The following NUAK1 variants were observed in gnomAD, a reference collection of about 807,000 sequenced individuals.
NUAK1 encodes NUAK family kinase 1.
Under a neutral mutation model 56.9 loss-of-function variants are expected in NUAK1, and 26 were observed. The ratio of observed to expected loss-of-function variants is 0.46; its 90% CI spans 0.33 to 0.63. NUAK1 has a LOEUF of 0.63. NUAK1 is among the 30% of genes least tolerant of loss of function. NUAK1 has a pLI of 0.02. For missense variants in NUAK1, 727 were observed against 876.1 expected (o/e 0.83, Z 2.15); for synonymous variants, 337 against 336.0 (o/e 1.00, Z -0.03).
chr12:106,069,582 T>C (rs2032382534), intron 6 of NUAK1, among the ~76,000 whole-genome samples: 2 of 152,168 alleles, frequency 1.3e-5, no homozygotes, highest in Admixed American at 1.3e-4. Context: ...ATAGATTAAA[T>C]AAGGTGTCTT....
rs1316402510 is a variant in NUAK1, at chr12:106,134,031, C to G, written c.240+4383G>C. Among the ~76,000 whole-genome samples, 3 of 152,166 alleles carry G rather than the reference C, an allele frequency of 2.0e-5. No individual in the cohort carries two copies. In the East Asian group the frequency reaches 5.8e-4, roughly 29 times the overall value. On this transcript the variant is annotated intron_variant, in intron 1 of 6. Coordinates refer to ENST00000261402, the MANE Select transcript of NUAK1 (RefSeq NM_014840.3). ...AGTTCTTTAAGAGTGAGGCCCATGT[C>G]TTTCTCTAGTAAAGATTTATTAAAT...
intron 1 of NUAK1, among the ~76,000 whole-genome samples, chr12:106,128,509 G>A (rs74682225): frequency 0.02 from 3,021 of 152,194 alleles, 113 homozygotes; most frequent in African/African-American, 0.067. Context: ...GTGACCTCTG[G>A]CAGTTGGGGT....
At chr12:106,073,792 T>C (rs938977655) in intron 4 of NUAK1, among the ~76,000 whole-genome samples, 1 of 151,814 alleles carries the variant, frequency 6.6e-6, no homozygotes. Context: ...CACTCCAGCC[T>C]GGGCGACAAA....
At chr12:106,103,631 C>G (rs901381933) in intron 2 of NUAK1, among the ~76,000 whole-genome samples, 1 of 152,164 alleles carries the variant, frequency 6.6e-6, no homozygotes, top group African/African-American at 2.4e-5. Flanking sequence ...GAACATGGTC[C>G]CAGAATATAC....
At chr12:106,127,612 A>G (rs955599952) in intron 1 of NUAK1, among the ~76,000 whole-genome samples, 8 of 152,168 alleles carry the variant, frequency 5.3e-5, no homozygotes, top group Admixed American at 2.6e-4. Flanking sequence ...CTCCCTAAAC[A>G]TAGGCTGACA....
In NUAK1 at chr12:106,098,313, GACTTATTATA is replaced by G. The variant is rs944462951; in HGVS notation, c.361+8082_361+8091del. On this transcript the variant is annotated intron_variant, in intron 2 of 6. Transcript: ENST00000261402. ...AATTCAGAGAATATTTGAGAATACA[GACTTATTATA>G]ACTTATCTTCTCGTGGGCAGCATGC... is the stretch of plus-strand genomic sequence containing the variant. Among the ~76,000 whole-genome samples the G allele has an allele frequency of 5.8e-4, 89 of 152,286 alleles. 1 individual carries two copies. Among genetic ancestry groups the G allele is most frequent in the Middle Eastern group, 3.4e-3 (1 of 294 alleles).
chr12:106,099,590 G>A (rs2032728425), intron 2 of NUAK1, among the ~76,000 whole-genome samples: 1 of 152,032 alleles, frequency 6.6e-6, no homozygotes, highest in Non-Finnish European at 1.5e-5. Flanking sequence ...TGCTGCCTGG[G>A]TTCACCTCTC....
chr12:106,126,758 T>C (rs774296315), intron 1 of NUAK1, among the ~76,000 whole-genome samples: 4 of 152,220 alleles, frequency 2.6e-5, no homozygotes, highest in Non-Finnish European at 5.9e-5. Context: ...GCCTCTAGCC[T>C]ACCTGTCATC....
intron 2 of NUAK1, 104 bp downstream of exon 2, chr12:106,106,301 C>T (rs1191762739): frequency 9.5e-7 from 1 of 1,057,212 alleles, no homozygotes; most frequent in East Asian, 2.6e-5. Context: ...AGGAAAAATA[C>T]TTGGCTTCTG....
chr12:106,117,810 C>A (rs2032933120), intron 1 of NUAK1, among the ~76,000 whole-genome samples: 1 of 152,132 alleles, frequency 6.6e-6, no homozygotes, highest in Non-Finnish European at 1.5e-5. Flanking sequence ...TATAGCCTAA[C>A]AAAAGGGAAG....
intron 5 of NUAK1, among the ~76,000 whole-genome samples, chr12:106,072,172 T>G: frequency 6.7e-6 from 1 of 149,706 alleles, no homozygotes; most frequent in East Asian, 1.9e-4. Flanking sequence ...AAAAAGATAT[T>G]TACCCCAGAG....
intron 1 of NUAK1, among the ~76,000 whole-genome samples, chr12:106,121,905 TG>T: frequency 6.6e-6 from 1 of 152,136 alleles, no homozygotes; most frequent in East Asian, 1.9e-4. Flanking sequence ...AGCAAAACTA[TG>T]TAAAAACTGA....
chr12:106,098,561 A>G (rs956518481), intron 2 of NUAK1, among the ~76,000 whole-genome samples: 35 of 152,214 alleles, frequency 2.3e-4, no homozygotes, highest in African/African-American at 7.7e-4. Flanking sequence ...GTTCCAGCAC[A>G]TCACAATGCA....
In NUAK1 at chr12:106,138,808, T is replaced by C. The variant is rs1192434810; in HGVS notation, c.-155A>G. On this transcript the variant is annotated 5_prime_UTR_variant, in exon 1 of 7. Transcript: ENST00000261402. The surrounding 1 kb of genome is among the most constrained non-coding windows in gnomAD (Gnocchi z 5.0). Reference sequence around the variant, plus strand: ...ACCGCTCGGACTGCGGCTCGGTCACTGGCGGCGGCGGGGACTGCACATCTG... The same window carrying C: ...ACCGCTCGGACTGCGGCTCGGTCACCGGCGGCGGCGGGGACTGCACATCTG... 1.8e-6 allele frequency: 2 copies of C among 1,085,042 alleles called. No individual in the cohort carries two copies. Among genetic ancestry groups the C allele is most frequent in the Non-Finnish European group, 2.4e-6 (2 of 821,644 alleles). 67.2% of individuals were successfully genotyped at this position (1,085,042 alleles called of 1,614,324 possible). A position where few individuals can be genotyped will look rare whatever the true frequency, so the allele number is the denominator to read the frequency against.
chr12:106,131,612 G>A (rs2033079933), intron 1 of NUAK1, among the ~76,000 whole-genome samples: 1 of 152,100 alleles, frequency 6.6e-6, no homozygotes, highest in Admixed American at 6.5e-5. Flanking sequence ...AAATGAAATG[G>A]ATGTGCCAGC....
chr12:106,113,928 C>A (rs1170511198), intron 1 of NUAK1, among the ~76,000 whole-genome samples: 1 of 152,056 alleles, frequency 6.6e-6, no homozygotes, highest in Non-Finnish European at 1.5e-5. Flanking sequence ...TCTGGTAACA[C>A]AAGAGACGCT....
chr12:106,133,085 T>C (rs1195656596), intron 1 of NUAK1, among the ~76,000 whole-genome samples: 1 of 152,182 alleles, frequency 6.6e-6, no homozygotes, highest in African/African-American at 2.4e-5. Context: ...TTAGTTGCTA[T>C]TATTTGCATT....
intron 6 of NUAK1, 107 bp downstream of exon 6, chr12:106,070,667 A>G: frequency 7.1e-7 from 1 of 1,410,386 alleles, no homozygotes; most frequent in Admixed American, 1.9e-5. Context: ...AAAGAGGAAA[A>G]CCAGGTGACT....
intron 2 of NUAK1, among the ~76,000 whole-genome samples, chr12:106,100,046 C>T (rs1358202361): frequency 7.1e-6 from 1 of 141,326 alleles, no homozygotes; most frequent in Non-Finnish European, 1.6e-5. Context: ...AGAGGATCTA[C>T]CAAAAATACC....
Sources: allele counts gnomAD v4.1 joint callset (sites outside exome capture counted in the v4.1 genomes callset), GRCh38; gene constraint gnomAD v4.1.1; non-coding constraint Gnocchi (gnomAD v3.1); transcripts MANE v1.5; gene names NCBI Gene and HGNC (gene_info 2026-07-23, HGNC 2026-07-21).